Variants in SWT1 observed in about 807,000 individuals in gnomAD.
SWT1 encodes transcriptional protein SWT1.
Under a neutral mutation model 107.3 loss-of-function variants are expected in SWT1, and 33 were observed. The observed-to-expected ratio is 0.31, with a 90% CI of 0.23 to 0.41. The LOEUF (loss-of-function observed/expected upper bound fraction) is 0.41, where lower values mean the gene tolerates loss of function less well. Ranked by LOEUF, SWT1 falls within the 10% of genes least tolerant of loss-of-function variation. SWT1 has a pLI of 1.00. For synonymous variants in SWT1, 345 were observed against 348.3 expected, an observed-to-expected ratio of 0.99 and a Z score of 0.11; for missense variants, 898 against 1,028.9, an observed-to-expected ratio of 0.87 and a Z score of 1.74.
chr1:185,244,339 G>A (rs1413984884), intron 16 of SWT1, among the ~76,000 whole-genome samples: 1 of 152,164 alleles, frequency 6.6e-6, no homozygotes, highest in Non-Finnish European at 1.5e-5. Context: ...CACCTAGGCT[G>A]TATGGTAAAT....
chr1:185,195,008 T>C (rs1657263826), intron 10 of SWT1, among the ~76,000 whole-genome samples: 1 of 152,116 alleles, frequency 6.6e-6, no homozygotes, highest in Non-Finnish European at 1.5e-5. Flanking sequence ...TTTTTATTAT[T>C]ATTATTATAC....
At chr1:185,213,122 C>G (rs1658954994) in intron 13 of SWT1, among the ~76,000 whole-genome samples, 1 of 151,820 alleles carries the variant, frequency 6.6e-6, no homozygotes, top group Non-Finnish European at 1.5e-5. Context: ...TACCCTTTTC[C>G]TCATAATCTT....
At chr1:185,261,121 C>T (rs1487810872) in intron 16 of SWT1, among the ~76,000 whole-genome samples, 1 of 152,112 alleles carries the variant, frequency 6.6e-6, no homozygotes, top group Non-Finnish European at 1.5e-5. Flanking sequence ...TATCTATCCA[C>T]AGAATTCTTT....
At chr1:185,175,691 A>T (rs1168013850) in intron 5 of SWT1, among the ~76,000 whole-genome samples, 1 of 152,234 alleles carries the variant, frequency 6.6e-6, no homozygotes, top group African/African-American at 2.4e-5. Context: ...ATGTGTAAAA[A>T]TGTGGTGAGA....
At position 185,182,046 on chromosome 1, in the gene SWT1, A is replaced by C; in HGVS notation, c.1127A>C (p.His376Pro). ...SMEIDLEDDV[H>P]SSSANNTSDR... ...GAAATTGACTTAGAAGATGATGTACATTCCTCCTCTGGTATACCCTATATG... is the reference window on the plus strand; with the variant it reads ...GAAATTGACTTAGAAGATGATGTACCTTCCTCCTCTGGTATACCCTATATG... Residue 376 changes from histidine (H) to proline (P), a missense_variant, in exon 7 of 19, where the codon CAT (histidine) becomes CCT (proline). Coordinates refer to ENST00000367500, the MANE Select transcript of SWT1 (RefSeq NM_017673.7). The C allele has an allele frequency of 6.2e-7, 1 of 1,613,756 alleles. No homozygotes were observed. The highest frequency in any genetic ancestry group is 2.2e-5 in the East Asian group (1 of 44,820).
At chr1:185,255,941 G>T (rs1662470541) in intron 16 of SWT1, among the ~76,000 whole-genome samples, 1 of 151,806 alleles carries the variant, frequency 6.6e-6, no homozygotes, top group Non-Finnish European at 1.5e-5. Flanking sequence ...TCCATGTTTA[G>T]CGCTTCCTTC....
intron 10 of SWT1, among the ~76,000 whole-genome samples, chr1:185,199,538 T>C (rs904450476): frequency 6.6e-6 from 1 of 152,122 alleles, no homozygotes; most frequent in African/African-American, 2.4e-5. Flanking sequence ...GAAAGTCTGG[T>C]TTGAAAATTC....
At chr1:185,266,149 C>T (rs1249667241) in intron 16 of SWT1, among the ~76,000 whole-genome samples, 1 of 152,092 alleles carries the variant, frequency 6.6e-6, no homozygotes, top group Non-Finnish European at 1.5e-5. Flanking sequence ...CTGCAAGCTC[C>T]GCCTGCCGGG....
At chr1:185,242,588 G>A (rs1411481640) in intron 16 of SWT1, among the ~76,000 whole-genome samples, 1 of 152,114 alleles carries the variant, frequency 6.6e-6, no homozygotes, top group African/African-American at 2.4e-5. Flanking sequence ...CCCTTGGCCA[G>A]TATAATTCAG....
chr1:185,219,977 C>T (rs977917395), intron 14 of SWT1, among the ~76,000 whole-genome samples: 49 of 151,846 alleles, frequency 3.2e-4, no homozygotes, highest in Admixed American at 1.1e-3. Context: ...AACTCTGTCT[C>T]TACAACAAAT....
chr1:185,217,251 G>T (rs1165394202), intron 14 of SWT1, among the ~76,000 whole-genome samples: 1 of 152,078 alleles, frequency 6.6e-6, no homozygotes, highest in Non-Finnish European at 1.5e-5. Flanking sequence ...TAAAACAGGG[G>T]TCCACAACCC....
intron 5 of SWT1, among the ~76,000 whole-genome samples, chr1:185,176,286 CAAAAAAAAAAAAAAAAA>C (rs71101962): frequency 2.1e-5 from 1 of 47,258 alleles, no homozygotes; most frequent in African/African-American, 1.0e-4. Flanking sequence ...ACCTTGTCTC[CAAAAAAAAAAAAAAAAA>C]AAAAAAAAAA....
intron 17 of SWT1, 26 bp from the exon 18 acceptor site, chr1:185,276,578 A>T: frequency 7.3e-7 from 1 of 1,373,720 alleles, no homozygotes; most frequent in Non-Finnish European, 1.0e-6. Flanking sequence ...ATATATTTTT[A>T]ATAACTATAT....
rs371147015 is a variant in SWT1 at position 185,290,696 on chromosome 1, C to T, written c.2596C>T (p.Arg866Cys). The stretch of plus-strand genomic sequence containing the variant: ...TAGGGAAAAGTTAACCATTGGATGC[C>T]GCCAGCTGGTTGAGATGGAATATAC... ...EYREKLTIGC[R>C]QLVEMEYTMQ... is the part of the protein sequence containing the mutation. Residue 866 changes from arginine (R) to cysteine (C), a missense_variant, in exon 19 of 19, where the codon CGC (arginine) becomes TGC (cysteine). Physicochemically the swap from Arg to Cys is radical, Grantham distance 180 (BLOSUM62 -3). Coordinates refer to ENST00000367500, the MANE Select transcript of SWT1 (RefSeq NM_017673.7). 17 of 1,578,670 alleles carry T rather than the reference C, an allele frequency of 1.1e-5. No individual in the cohort carries two copies. Among genetic ancestry groups the T allele is most frequent in the Admixed American group, 1.7e-5 (1 of 58,072 alleles).
intron 18 of SWT1, among the ~76,000 whole-genome samples, chr1:185,279,889 A>T (rs1664507292): frequency 6.6e-6 from 1 of 152,052 alleles, no homozygotes; most frequent in Non-Finnish European, 1.5e-5. Context: ...AATTGTCTGA[A>T]TTTGATAATC....
intron 16 of SWT1, 119 bp downstream of exon 16, chr1:185,231,827 C>A: frequency 3.0e-6 from 2 of 667,408 alleles, no homozygotes; most frequent in Non-Finnish European, 2.5e-6. Context: ...CACTTTATAG[C>A]ATGAAATCAA....
rs1457388708 is a variant in SWT1, at chr1:185,252,049, G to GT, written c.2442-19268dup. ...TATGAGTGAGAATATGCGGTGTTTGGTTTTTTGTTCTTGCGATAGTTTACT... is the reference window on the plus strand; with the variant it reads ...TATGAGTGAGAATATGCGGTGTTTGGTTTTTTTGTTCTTGCGATAGTTTACT... On this transcript the variant is annotated intron_variant, in intron 16 of 18. Transcript: ENST00000367500. Among the ~76,000 whole-genome samples, 12 of 151,998 alleles carry GT rather than the reference G, an allele frequency of 7.9e-5. No individual in the cohort carries two copies. The East Asian group carries it at 2.3e-3, about 29-fold the overall frequency.
In SWT1 at chr1:185,178,596, C is replaced by T. The variant is rs143828551; in HGVS notation, c.967-1795C>T. Among the ~76,000 whole-genome samples the T allele has an allele frequency of 3.0e-3, 459 of 151,966 alleles. 4 individuals are homozygous for T. The highest frequency in any genetic ancestry group is 0.011 in the African/African-American group (436 of 41,438). On this transcript the variant is annotated intron_variant, in intron 5 of 18. Transcript: ENST00000367500. ...AATGCATTAACTTTTCTGGATTGTTCGGTGGTGGAAAATTCATTGTAGTCA... is the reference window on the plus strand; with the variant it reads ...AATGCATTAACTTTTCTGGATTGTTTGGTGGTGGAAAATTCATTGTAGTCA...
At chr1:185,227,685 C>CT (rs781589053) in intron 15 of SWT1, 6 of 605,114 alleles carry the variant, frequency 9.9e-6, no homozygotes, top group East Asian at 9.5e-5. Flanking sequence ...TTCTTAACAA[C>CT]TTTAACAAAC....
Sources: allele counts gnomAD v4.1 joint callset (sites outside exome capture counted in the v4.1 genomes callset), GRCh38; gene constraint gnomAD v4.1.1; transcripts MANE v1.5; gene names NCBI Gene and HGNC (gene_info 2026-07-23, HGNC 2026-07-21).